The following TTC28 variants were observed in gnomAD, a reference collection of about 807,000 sequenced individuals.
The protein encoded by TTC28 is tetratricopeptide repeat protein 28.
Under a neutral mutation model 198.0 loss-of-function variants are expected in TTC28, and 61 were observed. The ratio of observed to expected loss-of-function variants is 0.31; its 90% CI spans 0.25 to 0.38. TTC28 has a LOEUF of 0.38. Among genes scored for constraint, TTC28 ranks in the 10% least tolerant of loss-of-function variants. TTC28 has a pLI of 1.00. For missense variants in TTC28, 2,678 were observed against 3,164.0 expected, an observed-to-expected ratio of 0.85 and a Z score of 3.69; for synonymous variants, 1,171 against 1,297.8, an observed-to-expected ratio of 0.90 and a Z score of 2.10.
chr22:28,043,199 C>A (rs1056280266), intron 12 of TTC28, among the ~76,000 whole-genome samples: 4 of 125,504 alleles, frequency 3.2e-5, no homozygotes, highest in African/African-American at 1.2e-4. Flanking sequence ...GCCAAGATCA[C>A]GCCACTGCAC....
intron 2 of TTC28, among the ~76,000 whole-genome samples, chr22:28,359,161 C>A (rs1014424763): frequency 3.9e-5 from 6 of 152,104 alleles, no homozygotes; most frequent in African/African-American, 1.4e-4. Flanking sequence ...AGTTTATGAA[C>A]TGAATTCTAG....
At chr22:28,201,154 TAGG>T (rs1241640307) in intron 5 of TTC28, among the ~76,000 whole-genome samples, 1 of 152,068 alleles carries the variant, frequency 6.6e-6, no homozygotes, top group Non-Finnish European at 1.5e-5. Flanking sequence ...GAGAAAAGTA[TAGG>T]AGAAGGACTT....
intron 16 of TTC28, chr22:27,997,399 A>G (rs1937571384): frequency 6.6e-6 from 1 of 152,218 alleles, no homozygotes; most frequent in Non-Finnish European, 1.5e-5. Flanking sequence ...AAATGTTTTC[A>G]TCTTTCAACA....
intron 2 of TTC28, among the ~76,000 whole-genome samples, chr22:28,485,494 A>C (rs574356520): frequency 2.1e-4 from 32 of 152,268 alleles, no homozygotes; most frequent in African/African-American, 7.2e-4. Context: ...AGTTGGCTTT[A>C]AATATATTCA....
chr22:28,456,633 T>C (rs1299977793), intron 2 of TTC28, among the ~76,000 whole-genome samples: 1 of 152,196 alleles, frequency 6.6e-6, no homozygotes, highest in Non-Finnish European at 1.5e-5. Context: ...TGGAGTGCAG[T>C]GGCATGATCT....
At chr22:28,200,207 A>G (rs1925801468) in intron 5 of TTC28, among the ~76,000 whole-genome samples, 1 of 152,122 alleles carries the variant, frequency 6.6e-6, no homozygotes, top group Non-Finnish European at 1.5e-5. Flanking sequence ...TCCTTGCCTC[A>G]GCCTCCTAAG....
intron 2 of TTC28, among the ~76,000 whole-genome samples, chr22:28,563,078 G>A (rs1412053494): frequency 6.6e-6 from 1 of 152,066 alleles, no homozygotes; most frequent in African/African-American, 2.4e-5. Context: ...ACCTGAGATG[G>A]AGCCACTACA....
intron 5 of TTC28, among the ~76,000 whole-genome samples, chr22:28,260,619 C>T (rs1030134897): frequency 2.6e-5 from 4 of 152,100 alleles, no homozygotes; most frequent in South Asian, 2.1e-4. Context: ...TAGCCAAATG[C>T]GCAAACTTTG....
intron 2 of TTC28, among the ~76,000 whole-genome samples, chr22:28,456,209 C>T (rs2047857599): frequency 1.3e-5 from 2 of 150,746 alleles, no homozygotes; most frequent in Non-Finnish European, 2.9e-5. Flanking sequence ...TTCTGATATT[C>T]CGCCACTAAA....
At chr22:28,560,949 G>T (rs1468538211) in intron 2 of TTC28, among the ~76,000 whole-genome samples, 1 of 151,340 alleles carries the variant, frequency 6.6e-6, no homozygotes, top group East Asian at 1.9e-4. Flanking sequence ...TAGAGATAGG[G>T]TTTCACCATG....
intron 2 of TTC28, among the ~76,000 whole-genome samples, chr22:28,407,934 T>C (rs988636928): frequency 6.6e-6 from 1 of 152,252 alleles, no homozygotes; most frequent in Non-Finnish European, 1.5e-5. Flanking sequence ...GGCCACAGGA[T>C]ATCAATTAAC....
At chr22:28,650,038 ATTT>A (rs577722057) in intron 1 of TTC28, among the ~76,000 whole-genome samples, 125 of 152,242 alleles carry the variant, frequency 8.2e-4, no homozygotes, top group African/African-American at 2.8e-3. Context: ...TAAAATATCA[ATTT>A]TTGTGAAGGT....
At position 27,978,421 on chromosome 22, in the gene TTC28, T is replaced by TG. The variant is rs770722543; in HGVS notation, c.*3799dup. 5 of 152,160 alleles carry TG rather than the reference T, an allele frequency of 3.3e-5. No individual in the cohort carries two copies. The highest frequency in any genetic ancestry group is 4.8e-5 in the African/African-American group (2 of 41,472). The allele number at this position is 152,160 out of a possible 1,614,324, so 9.4% of individuals were successfully genotyped here. A position where few individuals can be genotyped will look rare whatever the true frequency, so the allele number is the denominator to read the frequency against. ...ACTGAAAGCAAACCAGATTATTGCA[T>TG]GGCATTTTTCCAGCCTGAACTGAAA... On this transcript the variant is annotated 3_prime_UTR_variant, in exon 23 of 23. Transcript: ENST00000397906.
At chr22:28,364,911 A>G (rs2046222362) in intron 2 of TTC28, among the ~76,000 whole-genome samples, 1 of 152,226 alleles carries the variant, frequency 6.6e-6, no homozygotes, top group Non-Finnish European at 1.5e-5. Flanking sequence ...TTAGAATATA[A>G]TACCAACTTA....
intron 2 of TTC28, among the ~76,000 whole-genome samples, chr22:28,387,047 C>T (rs9613605): frequency 0.039 from 5,912 of 151,784 alleles, 214 homozygotes; most frequent in Admixed American, 0.12. Context: ...CCTGTGTCCA[C>T]GTGTTCTCAT....
intron 2 of TTC28, among the ~76,000 whole-genome samples, chr22:28,493,097 C>T (rs2048401625): frequency 6.6e-6 from 1 of 151,560 alleles, no homozygotes. Context: ...AGGCTCACGC[C>T]TGTAATCTCA....
At chr22:28,378,838 T>G (rs1338779788) in intron 2 of TTC28, among the ~76,000 whole-genome samples, 1 of 152,056 alleles carries the variant, frequency 6.6e-6, no homozygotes, top group Non-Finnish European at 1.5e-5. Flanking sequence ...AATTGAAGTC[T>G]CCAAAGGAGA....
chr22:28,584,021 T>TTTTGTTTTG (rs1569040276), intron 2 of TTC28, among the ~76,000 whole-genome samples: 16 of 120,432 alleles, frequency 1.3e-4, no homozygotes, highest in Non-Finnish European at 2.2e-4. Flanking sequence ...GTTTTGTTTT[T>TTTTGTTTTG]TTTTTTTTTT....
At chr22:28,192,863 C>T (rs1924967704) in intron 5 of TTC28, among the ~76,000 whole-genome samples, 1 of 152,222 alleles carries the variant, frequency 6.6e-6, no homozygotes, top group South Asian at 2.1e-4. Context: ...TTGGAAACCA[C>T]TCTGCAGGAT....
Sources: allele counts gnomAD v4.1 joint callset (sites outside exome capture counted in the v4.1 genomes callset), GRCh38; gene constraint gnomAD v4.1.1; transcripts MANE v1.5; gene names NCBI Gene and HGNC (gene_info 2026-07-23, HGNC 2026-07-21).